The following WDR4 variants were observed in gnomAD, a reference collection of about 807,000 sequenced individuals.
WDR4 encodes the protein tRNA (guanine-N(7)-)-methyltransferase non-catalytic subunit WDR4.
Under a neutral mutation model 48.6 loss-of-function variants are expected in WDR4, and 47 were observed. That is an observed-to-expected ratio of 0.97 (90% CI 0.77 to 1.23). The LOEUF (loss-of-function observed/expected upper bound fraction) is 1.23. WDR4 is among the 50% of genes most tolerant of loss of function. The pLI, the probability that WDR4 is intolerant of heterozygous loss-of-function variation, is 0.00. For missense variants in WDR4, 606 were observed against 551.6 expected (o/e 1.10, Z -0.99); for synonymous variants, 268 against 230.0 (o/e 1.17, Z -1.49).
chr21:42,845,422 T>TGCTGCTG (rs1236882715), downstream of WDR4, among the ~76,000 whole-genome samples: 1 of 152,268 alleles, frequency 6.6e-6, no homozygotes, highest in Non-Finnish European at 1.5e-5. Flanking sequence ...GCTGGTCAGC[T>TGCTGCTG]GCTGCTGGCT....
At position 42,853,605 on chromosome 21, in the gene WDR4, G is replaced by A; in HGVS notation, c.939C>T (p.Pro313=). The change falls in exon 9 of 11, where the codon CCC becomes CCT. Residue 313 remains proline (P), a synonymous_variant. Coordinates refer to ENST00000398208, the MANE Select transcript of WDR4 (RefSeq NM_018669.6). ...LWVLQDCQEA[P]LVLYRPVGDQ... is the part of the protein sequence containing the mutation. ...CGCCCACAGGCCTGTAGAGCACCAG[G>A]GGGGCTTCCTGGCAGTCCTGGAGCA... 1 of 1,610,628 alleles carries A rather than the reference G, an allele frequency of 6.2e-7. No individual in the cohort carries two copies. Among genetic ancestry groups the A allele is most frequent in the Non-Finnish European group, 8.5e-7 (1 of 1,179,154 alleles).
downstream of WDR4, among the ~76,000 whole-genome samples, chr21:42,848,394 C>A (rs1198439940): frequency 6.7e-6 from 1 of 149,560 alleles, no homozygotes; most frequent in Admixed American, 6.7e-5. Flanking sequence ...TCACACAGCA[C>A]ACGATCACGC....
intron 7 of WDR4, among the ~76,000 whole-genome samples, chr21:42,855,310 G>A (rs1034328683): frequency 1.3e-5 from 2 of 152,148 alleles, no homozygotes; most frequent in Non-Finnish European, 2.9e-5. Flanking sequence ...CCAAGGCCTG[G>A]GCTTTCAGGG....
the WDR4 span, among the ~76,000 whole-genome samples, chr21:42,884,929 C>T: frequency 6.6e-6 from 1 of 152,100 alleles, no homozygotes; most frequent in East Asian, 1.9e-4. Context: ...GCACATGCCA[C>T]CACACCCAGC....
intron 6 of WDR4, 110 bp from the exon 7 acceptor site, chr21:42,855,890 C>T (rs1262969173): frequency 7.0e-6 from 5 of 716,194 alleles, no homozygotes; most frequent in Non-Finnish European, 1.1e-5. Context: ...GACAGCCATG[C>T]CACCCACCCT....
At chr21:42,879,136 C>T (rs541122779) in intron 1 of WDR4, 4 of 1,235,646 alleles carry the variant, frequency 3.2e-6, no homozygotes, top group Admixed American at 8.3e-5. Flanking sequence ...GCGGCGCTAA[C>T]CGGGCAAGAA....
chr21:42,843,113 TAC>T (rs1278398410), exon 12 of WDR4: 1 of 152,212 alleles, frequency 6.6e-6, no homozygotes, highest in African/African-American at 2.4e-5. Context: ...AAAAATTTAC[TAC>T]ACAGACTCAG....
rs184336061 is a variant in WDR4 at position 42,862,397 on chromosome 21, G to C, written c.454-3C>G. On this transcript the variant is annotated splice_polypyrimidine_tract_variant and splice_region_variant and intron_variant, in intron 4 of 10. Transcript: ENST00000398208. This position sits in a 1 kb window ranked among gnomAD's most constrained non-coding sequence, Gnocchi z 4.3. ...AAGCGGTCATCAGGACTCACAGCCT[G>C]CATCACCAGGGGCCAGAAAAGAAAA... 7.5e-6 allele frequency: 12 copies of C among 1,598,574 alleles called. No homozygotes were observed. In the East Asian group the frequency reaches 2.7e-4, roughly 36 times the overall value.
At chr21:42,876,265 G>A (rs1374263605) in intron 2 of WDR4, among the ~76,000 whole-genome samples, 1 of 129,536 alleles carries the variant, frequency 7.7e-6, no homozygotes, top group Non-Finnish European at 1.6e-5. Flanking sequence ...CCAGGCTGGA[G>A]TGCAATGCCG....
intron 4 of WDR4, 111 bp downstream of exon 4, chr21:42,863,329 C>T: frequency 1.5e-6 from 2 of 1,363,206 alleles, no homozygotes; most frequent in South Asian, 1.4e-5. Flanking sequence ...GGACAGGTGC[C>T]TGAGCCTTGA....
At chr21:42,865,073 G>A (rs557112785) in intron 3 of WDR4, among the ~76,000 whole-genome samples, 4 of 152,280 alleles carry the variant, frequency 2.6e-5, no homozygotes, top group African/African-American at 9.6e-5. Flanking sequence ...CAGGGGCAGA[G>A]GGACTAAAAG....
intron 11 of WDR4, among the ~76,000 whole-genome samples, chr21:42,844,092 G>A (rs571557036): frequency 2.0e-5 from 3 of 152,310 alleles, no homozygotes; most frequent in East Asian, 3.9e-4. Context: ...TAAAAGATCA[G>A]TGGGCTTGAA....
At chr21:42,872,341 G>A (rs1442916988) in intron 3 of WDR4, among the ~76,000 whole-genome samples, 1 of 152,086 alleles carries the variant, frequency 6.6e-6, no homozygotes, top group Non-Finnish European at 1.5e-5. Flanking sequence ...TGGGAGCGGT[G>A]GGTCATGCCT....
intron 1 of WDR4, 27 bp from the exon 2 acceptor site, chr21:42,876,794 A>G (rs749738988): frequency 6.3e-7 from 1 of 1,597,232 alleles, no homozygotes; most frequent in South Asian, 1.1e-5. Flanking sequence ...ATAATTTTAA[A>G]AGGAGTTATC....
At chr21:42,884,397 C>T (rs2058624415), upstream of WDR4, among the ~76,000 whole-genome samples, 1 of 152,026 alleles carries the variant, frequency 6.6e-6, no homozygotes, top group Admixed American at 6.6e-5. Context: ...ACCTGTAATC[C>T]CAGCACTTTG....
chr21:42,874,577 T>A (rs2058446543), intron 2 of WDR4, among the ~76,000 whole-genome samples: 1 of 152,200 alleles, frequency 6.6e-6, no homozygotes, highest in East Asian at 1.9e-4. Flanking sequence ...GCAAGGAACA[T>A]CCCTGAGAAA....
intron 2 of WDR4, 47 bp downstream of exon 2, chr21:42,876,655 T>C: frequency 6.4e-7 from 1 of 1,563,514 alleles, no homozygotes. Context: ...CTGGTCCCAT[T>C]ATCGAACCAT....
chr21:42,860,380 C>G (rs899886237), intron 5 of WDR4, among the ~76,000 whole-genome samples: 1 of 152,258 alleles, frequency 6.6e-6, no homozygotes, highest in African/African-American at 2.4e-5. Context: ...AAGAATAACC[C>G]AAGCAGCCCA....
In WDR4 at chr21:42,862,249, C is replaced by T; in HGVS notation, c.566+33G>A. On this transcript the variant is annotated intron_variant, in intron 5 of 10. Transcript: ENST00000398208. The surrounding 1 kb of genome is among the most constrained non-coding windows in gnomAD (Gnocchi z 4.3). ...CTGACGCTGTTTTCAAACAGACCTT[C>T]TTTCTGCTGGAGGGGCAGGAAGGGG... 1.3e-6 allele frequency: 2 copies of T among 1,560,166 alleles called. No homozygotes were observed. The highest frequency in any genetic ancestry group is 1.7e-6 in the Non-Finnish European group (2 of 1,149,508).
Sources: gnomAD v4.1 joint callset for allele counts (sites outside exome capture counted in the v4.1 genomes callset) on GRCh38, gnomAD v4.1.1 for gene constraint, Gnocchi (gnomAD v3.1) non-coding constraint, MANE v1.5 for transcripts, NCBI Gene and HGNC (gene_info 2026-07-23, HGNC 2026-07-21) for gene names.